Variants in TASP1 observed in about 807,000 individuals in gnomAD.
The protein encoded by TASP1 is threonine aspartase 1.
In TASP1, 16 loss-of-function variants were observed where a neutral mutation model predicts 56.6. The observed-to-expected ratio is 0.28, with a 90% CI of 0.19 to 0.43. The LOEUF is 0.43. Ranked by LOEUF, TASP1 falls within the 20% of genes least tolerant of loss-of-function variation. TASP1 has a pLI of 1.00. For synonymous variants in TASP1, 179 were observed against 184.2 expected (o/e 0.97, Z 0.23); for missense variants, 393 against 511.6 (o/e 0.77, Z 2.24).
chr20:13,245,923 C>T, the TASP1 span, among the ~76,000 whole-genome samples: 1 of 152,162 alleles, frequency 6.6e-6, no homozygotes, highest in Admixed American at 6.5e-5. Flanking sequence ...CCGCCCACTC[C>T]GATGTTCTTT....
the TASP1 span, among the ~76,000 whole-genome samples, chr20:13,360,654 A>C: frequency 6.6e-6 from 1 of 152,122 alleles, no homozygotes; most frequent in African/African-American, 2.4e-5. Flanking sequence ...AACTGTGCTC[A>C]ACTCACTCTC....
chr20:13,606,087 T>G (rs2048138706), intron 4 of TASP1, among the ~76,000 whole-genome samples: 1 of 152,134 alleles, frequency 6.6e-6, no homozygotes, highest in Non-Finnish European at 1.5e-5. Context: ...GTGAGAGATT[T>G]CTAGTGAAAG....
At chr20:13,147,349 T>TA in the TASP1 span, among the ~76,000 whole-genome samples, 9 of 152,206 alleles carry the variant, frequency 5.9e-5, no homozygotes, top group Non-Finnish European at 1.3e-4. Flanking sequence ...ATGTGATTCT[T>TA]ATGATTCTTG....
chr20:13,467,186 T>TACACACACAC (rs3042647), intron 11 of TASP1, among the ~76,000 whole-genome samples: 1,896 of 146,858 alleles, frequency 0.013, 15 homozygotes, highest in South Asian at 0.021. Flanking sequence ...ACACATACAA[T>TACACACACAC]ACACACACAC....
intron 11 of TASP1, among the ~76,000 whole-genome samples, chr20:13,442,822 C>A (rs537648621): frequency 1.3e-5 from 2 of 152,100 alleles, no homozygotes; most frequent in Admixed American, 6.5e-5. Context: ...TTTCAAGATT[C>A]CATATTTTTT....
intron 13 of TASP1, among the ~76,000 whole-genome samples, chr20:13,413,290 C>T (rs2042151251): frequency 6.6e-6 from 1 of 152,178 alleles, no homozygotes; most frequent in African/African-American, 2.4e-5. Flanking sequence ...AACATCTGTC[C>T]TGTTTCATTA....
At chr20:13,614,628 G>C (rs1043271268) in intron 4 of TASP1, 3 of 279,948 alleles carry the variant, frequency 1.1e-5, no homozygotes, top group Admixed American at 4.7e-5. Flanking sequence ...TAATTTACAA[G>C]GGCACATACA....
the TASP1 span, among the ~76,000 whole-genome samples, chr20:13,268,180 T>C: frequency 3.0e-5 from 4 of 135,136 alleles, no homozygotes; most frequent in African/African-American, 1.1e-4. Flanking sequence ...TCTCCTCTCC[T>C]CTTCTCTTCA....
chr20:13,496,286 C>T (rs920618522), intron 10 of TASP1, among the ~76,000 whole-genome samples: 46 of 152,114 alleles, frequency 3.0e-4, no homozygotes, highest in Non-Finnish European at 5.7e-4. Context: ...AACTCCTGAC[C>T]TCAGGTGATC....
intron 6 of TASP1, 44 bp downstream of exon 6, chr20:13,580,853 A>G: frequency 6.3e-7 from 1 of 1,596,312 alleles, no homozygotes; most frequent in Admixed American, 1.7e-5. Flanking sequence ...TGTGGATAAA[A>G]ATGCACTAAA....
At chr20:13,179,746 C>T in the TASP1 span, among the ~76,000 whole-genome samples, 36 of 152,232 alleles carry the variant, frequency 2.4e-4, no homozygotes, top group Admixed American at 1.2e-3. Flanking sequence ...ACAGAAACAC[C>T]TGGCCTTATC....
chr20:13,535,128 T>C lies in TASP1; in HGVS notation c.676-987A>G, dbSNP rs763445798. ...CGGGTTCAACATGAACAGCTCCTCA[T>C]CCTGTGTGATTTATTGCTCACATTA... On this transcript the variant is annotated intron_variant, in intron 8 of 13. Coordinates refer to ENST00000337743, the MANE Select transcript of TASP1 (RefSeq NM_017714.3). Among the ~76,000 whole-genome samples the C allele has an allele frequency of 1.5e-4, 23 of 152,132 alleles. 1 individual carries two copies. The highest frequency in any genetic ancestry group is 2.2e-4 in the Non-Finnish European group (15 of 68,026).
chr20:13,314,814 T>A, the TASP1 span, among the ~76,000 whole-genome samples: 2 of 152,112 alleles, frequency 1.3e-5, no homozygotes, highest in African/African-American at 4.8e-5. Context: ...ATTATGCACA[T>A]ATCTATATCT....
At chr20:13,538,105 C>T (rs924794863) in intron 8 of TASP1, among the ~76,000 whole-genome samples, 9 of 151,470 alleles carry the variant, frequency 5.9e-5, no homozygotes, top group Admixed American at 2.0e-4. Context: ...CAGGTTTGAG[C>T]GATTCTCCTG....
downstream of TASP1, among the ~76,000 whole-genome samples, chr20:13,385,579 G>C (rs140858086): frequency 4.7e-4 from 71 of 152,332 alleles, 1 homozygote; most frequent in East Asian, 0.013. Context: ...AATACATGTG[G>C]AGTGGAATGT....
chr20:13,143,624 C>T, the TASP1 span, among the ~76,000 whole-genome samples: 1 of 152,168 alleles, frequency 6.6e-6, no homozygotes, highest in African/African-American at 2.4e-5. Context: ...GGGGCTTCCC[C>T]ATCAATTTTT....
At chr20:13,465,110 G>A (rs1393293886) in intron 11 of TASP1, among the ~76,000 whole-genome samples, 1 of 145,836 alleles carries the variant, frequency 6.9e-6, no homozygotes, top group African/African-American at 2.5e-5. Context: ...GGTCAAAGCT[G>A]TAGTGAGCCA....
intron 4 of TASP1, among the ~76,000 whole-genome samples, chr20:13,591,729 A>G (rs1163274560): frequency 6.6e-6 from 1 of 152,206 alleles, no homozygotes; most frequent in African/African-American, 2.4e-5. Flanking sequence ...AATTGTTTAA[A>G]GCAAAAATAC....
chr20:13,117,789 C>A, the TASP1 span: 2 of 1,427,514 alleles, frequency 1.4e-6, no homozygotes, highest in South Asian at 1.3e-5. Flanking sequence ...GTGTGTAGGG[C>A]TTCTCTGAAT....
Sources: allele counts gnomAD v4.1 joint callset (sites outside exome capture counted in the v4.1 genomes callset), GRCh38; gene constraint gnomAD v4.1.1; transcripts MANE v1.5; gene names NCBI Gene and HGNC (gene_info 2026-07-23, HGNC 2026-07-21).